Variants in TSHR observed in about 807,000 individuals in gnomAD.
TSHR encodes thyroid stimulating hormone receptor, also known as thyrotropin receptor.
Under a neutral mutation model 64.1 loss-of-function variants are expected in TSHR, and 51 were observed. The ratio of observed to expected loss-of-function variants is 0.80; its 90% confidence interval spans 0.64 to 1.01. The LOEUF is 1.01. Among genes scored for constraint, TSHR ranks in the 50% least tolerant of loss-of-function variants. The probability of loss-of-function intolerance (pLI) is 0.00; values close to 1 mark genes in which losing one functional copy is unlikely to be tolerated. For missense variants in TSHR, 877 were observed against 942.8 expected, an observed-to-expected ratio of 0.93 and a Z score of 0.91; for synonymous variants, 361 against 361.9, an observed-to-expected ratio of 1.00 and a Z score of 0.03.
At chr14:80,984,766 A>T (rs574682921) in intron 1 of TSHR, among the ~76,000 whole-genome samples, 88 of 152,274 alleles carry the variant, frequency 5.8e-4, no homozygotes, top group African/African-American at 1.8e-3. Context: ...GAGTAGATGG[A>T]TTTTATCTGG....
chr14:81,144,883 T>C lies in TSHR; in HGVS notation c.*530T>C, dbSNP rs897185831. On this transcript the variant is annotated 3_prime_UTR_variant, in exon 10 of 10. Transcript: ENST00000298171. ...CTAGCTGTCATACAAGAAACAGCTATTATGAGACATGAAGGAGGGTAAGAA... is the reference window on the plus strand; with the variant it reads ...CTAGCTGTCATACAAGAAACAGCTACTATGAGACATGAAGGAGGGTAAGAA... 4.2e-6 allele frequency: 1 copy of C among 236,418 alleles called. No individual in the cohort carries two copies. The highest frequency in any genetic ancestry group is 2.2e-5 in the African/African-American group (1 of 45,370). The allele number at this position is 236,418 out of a possible 1,614,324, so 14.6% of individuals were successfully genotyped here. A position where few individuals can be genotyped will look rare whatever the true frequency, so the allele number is the denominator to read the frequency against.
At chr14:81,005,392 C>T (rs1443438312) in intron 1 of TSHR, among the ~76,000 whole-genome samples, 1 of 151,988 alleles carries the variant, frequency 6.6e-6, no homozygotes, top group African/African-American at 2.4e-5. Context: ...CACACAAAAA[C>T]ATAAATTCAA....
At chr14:81,046,377 T>C (rs1039662986) in intron 1 of TSHR, among the ~76,000 whole-genome samples, 4 of 151,744 alleles carry the variant, frequency 2.6e-5, no homozygotes, top group Admixed American at 1.3e-4. Flanking sequence ...ACTTCTAAAG[T>C]TAAAAATATA....
intron 7 of TSHR, among the ~76,000 whole-genome samples, chr14:81,105,548 ATCC>A (rs1429122028): frequency 1.3e-5 from 2 of 152,108 alleles, no homozygotes; most frequent in African/African-American, 4.8e-5. Flanking sequence ...GCTCCTCTGC[ATCC>A]TCCTCCTCCC....
chr14:81,032,451 T>G, intron 1 of TSHR: 1 of 305,720 alleles, frequency 3.3e-6, no homozygotes. Flanking sequence ...CACTTCAGGT[T>G]CAAAGAATTT....
chr14:80,986,267 G>A (rs902120961), intron 1 of TSHR, among the ~76,000 whole-genome samples: 6 of 151,980 alleles, frequency 3.9e-5, no homozygotes, highest in Admixed American at 3.3e-4. Flanking sequence ...ATTGTCTTGG[G>A]GACTATATTG....
chr14:80,966,304 A>G (rs890306534), intron 1 of TSHR, among the ~76,000 whole-genome samples: 14 of 152,186 alleles, frequency 9.2e-5, no homozygotes, highest in Admixed American at 2.6e-4. Flanking sequence ...ATACTCTTCC[A>G]TGAGAAAGTC....
At chr14:81,096,806 C>A in intron 7 of TSHR, 99 bp downstream of exon 7, 1 of 1,324,280 alleles carries the variant, frequency 7.6e-7, no homozygotes, top group Non-Finnish European at 1.1e-6. Context: ...ACCAGAGCAT[C>A]TTCCACGCCA....
In TSHR at chr14:81,145,931, T is replaced by C; in HGVS notation, c.*1578T>C. 4.3e-6 allele frequency: 1 copy of C among 232,398 alleles called. No homozygotes were observed. Among genetic ancestry groups the C allele is most frequent in the Non-Finnish European group, 8.5e-6 (1 of 117,530 alleles). The allele number at this position is 232,398 out of a possible 1,614,324, so 14.4% of individuals were successfully genotyped here. On this transcript the variant is annotated 3_prime_UTR_variant, in exon 10 of 10. Coordinates refer to ENST00000298171, the MANE Select transcript of TSHR (RefSeq NM_000369.5). ...AAAGCTCTTTGTTGTTTTAAGATTG[T>C]GAAGTGTCGTTAATGGGTCCCCACA...
intron 1 of TSHR, among the ~76,000 whole-genome samples, chr14:81,005,184 G>A (rs909503347): frequency 6.6e-6 from 1 of 151,476 alleles, no homozygotes; most frequent in Admixed American, 6.6e-5. Flanking sequence ...TCTCATGAAG[G>A]GGACTCAAGC....
chr14:81,120,114 G>C (rs998781208), intron 8 of TSHR, among the ~76,000 whole-genome samples: 25 of 146,820 alleles, frequency 1.7e-4, no homozygotes, highest in African/African-American at 5.8e-4. Flanking sequence ...CACCAGCATG[G>C]CACATGTATA....
chr14:81,114,530 C>T (rs376870168), intron 8 of TSHR, among the ~76,000 whole-genome samples: 241 of 152,278 alleles, frequency 1.6e-3, no homozygotes, highest in Non-Finnish European at 2.7e-3. Flanking sequence ...GAGGGTCCTA[C>T]GCCCACGGAG....
intron 1 of TSHR, among the ~76,000 whole-genome samples, chr14:81,039,707 G>A (rs1403471871): frequency 1.3e-5 from 2 of 151,704 alleles, no homozygotes; most frequent in Non-Finnish European, 2.9e-5. Flanking sequence ...AACCAAAAAA[G>A]CAATCCCACT....
chr14:81,112,765 A>T (rs1890277872), intron 8 of TSHR, among the ~76,000 whole-genome samples: 1 of 152,248 alleles, frequency 6.6e-6, no homozygotes, highest in South Asian at 2.1e-4. Flanking sequence ...TCTGAAAGAA[A>T]CAAAGGGACA....
At chr14:81,092,895 G>A (rs1218709588) in intron 6 of TSHR, among the ~76,000 whole-genome samples, 1 of 152,126 alleles carries the variant, frequency 6.6e-6, no homozygotes, top group Non-Finnish European at 1.5e-5. Context: ...TGTAGGAACT[G>A]GTCAACTCTG....
intron 3 of TSHR, among the ~76,000 whole-genome samples, chr14:81,069,039 T>C (rs962293491): frequency 6.6e-6 from 1 of 152,202 alleles, no homozygotes; most frequent in Non-Finnish European, 1.5e-5. Flanking sequence ...TAGCTATGTA[T>C]TACTAATCAT....
intron 1 of TSHR, among the ~76,000 whole-genome samples, chr14:81,054,645 G>T (rs1885647415): frequency 6.6e-6 from 1 of 152,154 alleles, no homozygotes; most frequent in Admixed American, 6.6e-5. Flanking sequence ...GGTGACTCTT[G>T]TTATGTTTTA....
chr14:81,079,434 A>C (rs1356820261), intron 3 of TSHR, among the ~76,000 whole-genome samples: 1 of 152,242 alleles, frequency 6.6e-6, no homozygotes, highest in Non-Finnish European at 1.5e-5. Context: ...CATACCTTGC[A>C]GAGCTCTTGC....
intron 1 of TSHR, among the ~76,000 whole-genome samples, chr14:80,998,098 A>G (rs778886809): frequency 2.0e-5 from 3 of 152,234 alleles, no homozygotes; most frequent in Non-Finnish European, 4.4e-5. Flanking sequence ...TAATGAAGTA[A>G]TTTAAAAGGA....
Sources: gnomAD v4.1 joint callset for allele counts (sites outside exome capture counted in the v4.1 genomes callset) on GRCh38, gnomAD v4.1.1 for gene constraint, MANE v1.5 for transcripts, NCBI Gene and HGNC (gene_info 2026-07-23, HGNC 2026-07-21) for gene names.